Variants in MYO1F observed in about 807,000 individuals in gnomAD.
MYO1F encodes the protein unconventional myosin-If.
Under a neutral mutation model 146.6 loss-of-function variants are expected in MYO1F, and 60 were observed. The ratio of observed to expected loss-of-function variants is 0.41; its 90% CI spans 0.33 to 0.51. The LOEUF is 0.51. Among genes scored for constraint, MYO1F ranks in the 20% least tolerant of loss-of-function variants. The pLI, the probability that MYO1F is intolerant of heterozygous loss-of-function variation, is 0.25. For missense variants in MYO1F, 1,274 were observed against 1,534.3 expected, an observed-to-expected ratio of 0.83 and a Z score of 2.83; for synonymous variants, 602 against 602.1, an observed-to-expected ratio of 1.00 and a Z score of 0.00.
At chr19:8,570,717 T>C (rs1555731660) in intron 1 of MYO1F, among the ~76,000 whole-genome samples, 1 of 151,866 alleles carries the variant, frequency 6.6e-6, no homozygotes, top group Non-Finnish European at 1.5e-5. Context: ...ACTATGTTGC[T>C]TAGGCTGGTC....
Position 8,548,313 on chromosome 19 carries a change from A to G in MYO1F, c.1106T>C (p.Ile369Thr). 1 of 1,606,714 alleles carries G rather than the reference A, an allele frequency of 6.2e-7. No individual in the cohort carries two copies. The highest frequency in any genetic ancestry group is 8.5e-7 in the Non-Finnish European group (1 of 1,179,894). Reference sequence around the variant, plus strand: ...CTGGGGTTTCTGCATAGCACGGTTGATGGCCTGCGGTGTGGGTGGGGACAG... The same window carrying G: ...CTGGGGTTTCTGCATAGCACGGTTGGTGGCCTGCGGTGTGGGTGGGGACAG... The part of the protein sequence containing the change: ...ARLFDFLVEA[I>T]NRAMQKPQEE... Residue 369 changes from isoleucine (I) to threonine (T), a missense_variant, in exon 11 of 28, where the codon ATC becomes ACC. Coordinates refer to ENST00000644032, the MANE Select transcript of MYO1F (RefSeq NM_012335.4).
chr19:8,575,981 C>T (rs113939769), intron 1 of MYO1F, among the ~76,000 whole-genome samples: 38 of 152,216 alleles, frequency 2.5e-4, no homozygotes, highest in Non-Finnish European at 4.7e-4. Context: ...GTGTGAATTC[C>T]GGGATGCCCA....
intron 25 of MYO1F, among the ~76,000 whole-genome samples, chr19:8,524,113 C>T (rs111609261): frequency 0.88 from 91,327 of 103,316 alleles, 41,043 homozygotes; most frequent in Non-Finnish European, 0.98. Flanking sequence ...AGCAAGACAC[C>T]GTCTCAAAAA....
At position 8,526,796 on chromosome 19, in the gene MYO1F, T is replaced by C; in HGVS notation, c.2614A>G (p.Ser872Gly). 2 of 1,610,904 alleles carry C rather than the reference T, an allele frequency of 1.2e-6. No homozygotes were observed. The highest frequency in any genetic ancestry group is 1.1e-5 in the South Asian group (1 of 90,790). ...GGGTTGGCGGGGCCGTACGTGTCGC[T>C]GAAGGTGAGGGGCAGGGGCCTCCGC... Reference protein sequence around the residue: ...ATRRPLPLTFSDTLQFRVKKE... With the variant: ...ATRRPLPLTFGDTLQFRVKKE... Residue 872 changes from serine to glycine, a missense_variant, in exon 23 of 28, where the codon AGC becomes GGC. Ser to Gly is a moderately conservative substitution (Grantham distance 56). This residue lies in a region of MYO1F where 374 missense variants were observed against 379.2 expected (regional missense o/e 0.99). Transcript: ENST00000644032.
Position 8,537,074 on chromosome 19 carries a change from C to T in MYO1F, c.1693-19G>A, listed in dbSNP as rs374342716. 2.3e-4 allele frequency: 343 copies of T among 1,518,888 alleles called. 1 individual carries two copies. The African/African-American group carries it at 2.8e-3, about 12-fold the overall frequency. 94.1% of individuals were successfully genotyped at this position (1,518,888 alleles called of 1,614,324 possible). A position where few individuals can be genotyped will look rare whatever the true frequency, so the allele number is the denominator to read the frequency against. Reference sequence around the variant, plus strand: ...CTTGTTTCTGAGGCAGAAGTGAAGACGGGTGGGTGGGGGGCACAGAGATGG... The same window carrying T: ...CTTGTTTCTGAGGCAGAAGTGAAGATGGGTGGGTGGGGGGCACAGAGATGG... On this transcript the variant is annotated intron_variant, in intron 16 of 27. Coordinates refer to ENST00000644032, the MANE Select transcript of MYO1F (RefSeq NM_012335.4).
At chr19:8,536,064 T>G (rs1202890766) in intron 19 of MYO1F, among the ~76,000 whole-genome samples, 188 bp downstream of exon 19, 1 of 152,080 alleles carries the variant, frequency 6.6e-6, no homozygotes, top group African/African-American at 2.4e-5. Context: ...TTTCTCAATT[T>G]CTCTCTCAAC....
intron 19 of MYO1F, among the ~76,000 whole-genome samples, chr19:8,535,538 G>A (rs1009227295): frequency 6.6e-6 from 1 of 152,100 alleles, no homozygotes; most frequent in African/African-American, 2.4e-5. Flanking sequence ...CCAAAGCACT[G>A]ATATTACAGG....
chr19:8,540,067 C>T, intron 15 of MYO1F, 39 bp from the exon 16 acceptor site: 4 of 1,562,926 alleles, frequency 2.6e-6, no homozygotes, highest in Non-Finnish European at 3.5e-6. Context: ...GGAGGTATGG[C>T]TAGACTTTCG....
chr19:8,532,748 G>A (rs1293215893), intron 19 of MYO1F, among the ~76,000 whole-genome samples: 2 of 151,872 alleles, frequency 1.3e-5, no homozygotes, highest in African/African-American at 4.8e-5. Context: ...ATTAGCTGAG[G>A]GTGATGGCAC....
At chr19:8,524,118 C>CA (rs746455069) in intron 25 of MYO1F, among the ~76,000 whole-genome samples, 8,670 of 46,016 alleles carry the variant, frequency 0.19, 1,658 homozygotes, top group African/African-American at 0.28. Context: ...GACACCGTCT[C>CA]AAAAAAAAAA....
intron 19 of MYO1F, among the ~76,000 whole-genome samples, chr19:8,536,027 C>T (rs1188222102): frequency 6.6e-6 from 1 of 151,940 alleles, no homozygotes; most frequent in East Asian, 1.9e-4. Context: ...CAGTCTCTTA[C>T]TTTCAGTCTA....
chr19:8,552,995 T>C, intron 6 of MYO1F, 144 bp downstream of exon 6: 1 of 793,550 alleles, frequency 1.3e-6, no homozygotes, highest in Non-Finnish European at 2.2e-6. Context: ...AGGAAGTGAG[T>C]CTCCCCTTCA....
At chr19:8,574,182 G>T (rs1352132491) in intron 1 of MYO1F, among the ~76,000 whole-genome samples, 1 of 151,866 alleles carries the variant, frequency 6.6e-6, no homozygotes, top group African/African-American at 2.4e-5. Context: ...ACCACCACCA[G>T]CCCACCTGCA....
At chr19:8,533,938 A>G (rs1341400486) in intron 19 of MYO1F, among the ~76,000 whole-genome samples, 1 of 152,070 alleles carries the variant, frequency 6.6e-6, no homozygotes, top group African/African-American at 2.4e-5. Context: ...TAATCCCAGC[A>G]CTTTGGGAGG....
rs1599920790 is a variant in MYO1F, at chr19:8,530,176, C to T, written c.2328+20G>A. The T allele has an allele frequency of 1.2e-6, 2 of 1,613,810 alleles. No homozygotes were observed. Among genetic ancestry groups the T allele is most frequent in the East Asian group, 4.5e-5 (2 of 44,868 alleles). On this transcript the variant is annotated intron_variant, in intron 21 of 27. Coordinates refer to ENST00000644032, the MANE Select transcript of MYO1F (RefSeq NM_012335.4). This position sits in a 1 kb window ranked among gnomAD's most constrained non-coding sequence, Gnocchi z 5.8. ...AGGCTGTAGTCAGGGTCTTGCTGTG[C>T]CCACCCACTAGTGCCTCACCTTGAA...
intron 16 of MYO1F, among the ~76,000 whole-genome samples, chr19:8,539,663 T>A (rs1178101717): frequency 3.9e-5 from 6 of 152,046 alleles, no homozygotes; most frequent in Non-Finnish European, 8.8e-5. Flanking sequence ...ACCACAAATT[T>A]AAAAAATGGT....
intron 24 of MYO1F, 147 bp from the exon 25 acceptor site, chr19:8,525,709 T>A: frequency 1.3e-6 from 1 of 753,060 alleles, no homozygotes; most frequent in Non-Finnish European, 2.3e-6. Flanking sequence ...TTACACTGGC[T>A]CCGCCCACTA....
At chr19:8,537,134 C>T in intron 16 of MYO1F, 79 bp from the exon 17 acceptor site, 2 of 937,138 alleles carry the variant, frequency 2.1e-6, no homozygotes, top group East Asian at 2.7e-5. Context: ...ACCCTGGATA[C>T]AGTCCCAATA....
At chr19:8,532,296 G>T (rs111676269) in intron 19 of MYO1F, among the ~76,000 whole-genome samples, 1 of 152,102 alleles carries the variant, frequency 6.6e-6, no homozygotes, top group African/African-American at 2.4e-5. Context: ...CAGAGAAAAG[G>T]GTTTTGAGTT....
Sources: allele counts gnomAD v4.1 joint callset (sites outside exome capture counted in the v4.1 genomes callset), GRCh38; gene constraint gnomAD v4.1.1; regional missense constraint gnomAD v4.1.1; non-coding constraint Gnocchi (gnomAD v3.1); transcripts MANE v1.5; gene names NCBI Gene and HGNC (gene_info 2026-07-23, HGNC 2026-07-21).